Variants in TACC1 observed in about 807,000 individuals in gnomAD.
The protein encoded by TACC1 is transforming acidic coiled-coil containing protein 1.
TACC1 carries 48 observed loss-of-function variants against 84.4 expected under a neutral mutation model. The observed-to-expected ratio is 0.57, with a 90% CI of 0.45 to 0.72. TACC1 has a LOEUF of 0.72. TACC1 is among the 30% of genes least tolerant of loss of function. TACC1 has a pLI of 0.00. For synonymous variants in TACC1, 372 were observed against 376.3 expected (o/e 0.99, Z 0.13); for missense variants, 920 against 973.0 (o/e 0.95, Z 0.72).
intron 2 of TACC1, among the ~76,000 whole-genome samples, chr8:38,806,515 T>C (rs549852097): frequency 6.6e-6 from 1 of 150,950 alleles, no homozygotes; most frequent in East Asian, 2.0e-4. Context: ...AGAGAGAAAA[T>C]AAATTCCATC....
intron 3 of TACC1, among the ~76,000 whole-genome samples, chr8:38,747,867 T>C (rs1808350883): frequency 6.6e-6 from 1 of 152,176 alleles, no homozygotes; most frequent in African/African-American, 2.4e-5. Context: ...TGGATAATAA[T>C]GATACATCAG....
At chr8:38,787,936 C>T (rs1817673467) in intron 1 of TACC1, among the ~76,000 whole-genome samples, 193 bp downstream of exon 1, 1 of 152,200 alleles carries the variant, frequency 6.6e-6, no homozygotes, top group Non-Finnish European at 1.5e-5. Flanking sequence ...GTTTCTGGCC[C>T]CCGTTTCGCT....
chr8:38,833,016 A>C (rs575101495), intron 6 of TACC1, among the ~76,000 whole-genome samples: 62 of 152,238 alleles, frequency 4.1e-4, no homozygotes, highest in Non-Finnish European at 7.2e-4. Flanking sequence ...GCAAACATGA[A>C]ATAAAGCCCT....
rs1290849439 is a variant in TACC1, at chr8:38,848,977, GAGAC to G, written c.*958_*961del. ...CTTCATTATCTTTTTTTTTTTTTTT[GAGAC>G]AGAGTTTCGATCTATTTTAAGTATG... On this transcript the variant is annotated 3_prime_UTR_variant, in exon 13 of 13. Transcript: ENST00000317827. 1 of 111,686 alleles carries G rather than the reference GAGAC, an allele frequency of 9.0e-6. No homozygotes were observed. Among genetic ancestry groups the G allele is most frequent in the African/African-American group, 3.1e-5 (1 of 31,938 alleles). The allele number at this position is 111,686 out of a possible 1,614,324, so 6.9% of individuals were successfully genotyped here.
intron 2 of TACC1, among the ~76,000 whole-genome samples, chr8:38,809,731 GA>G (rs1001892074): frequency 3.9e-5 from 6 of 151,904 alleles, no homozygotes; most frequent in East Asian, 1.9e-4. Context: ...TGGGTAACAG[GA>G]AAAAAAAGAA....
chr8:38,830,821 CCA>C (rs1378717687), intron 5 of TACC1, among the ~76,000 whole-genome samples: 1 of 152,180 alleles, frequency 6.6e-6, no homozygotes, highest in African/African-American at 2.4e-5. Context: ...TGAAATAATG[CCA>C]CAGTTAGTAC....
chr8:38,803,728 T>C (rs976223051), intron 2 of TACC1, among the ~76,000 whole-genome samples: 1 of 152,176 alleles, frequency 6.6e-6, no homozygotes, highest in Non-Finnish European at 1.5e-5. Flanking sequence ...AGTTTTTTTT[T>C]CCCCCTTGTG....
upstream of TACC1, among the ~76,000 whole-genome samples, chr8:38,782,604 C>G (rs940460259): frequency 1.1e-4 from 16 of 152,282 alleles, no homozygotes; most frequent in Non-Finnish European, 2.2e-4. Flanking sequence ...AATCTGAGTT[C>G]AACAGAAGGA....
intron 5 of TACC1, 91 bp from the exon 6 acceptor site, chr8:38,831,034 C>T (rs1463349145): frequency 1.8e-6 from 2 of 1,117,528 alleles, no homozygotes; most frequent in East Asian, 4.8e-5. Context: ...ATAAGTCATT[C>T]TCGCCTGCAC....
At chr8:38,749,074 A>C (rs1480369912) in intron 3 of TACC1, among the ~76,000 whole-genome samples, 2 of 152,162 alleles carry the variant, frequency 1.3e-5, no homozygotes, top group Non-Finnish European at 2.9e-5. Context: ...AAAAATGAAC[A>C]ATATCAAGAA....
chr8:38,797,886 C>G (rs1352584043), intron 2 of TACC1, among the ~76,000 whole-genome samples: 2 of 152,142 alleles, frequency 1.3e-5, no homozygotes, highest in Non-Finnish European at 2.9e-5. Flanking sequence ...TCTATGATTT[C>G]TGTCTGTGGA....
At chr8:38,819,036 A>G (rs1011551270) in intron 2 of TACC1, among the ~76,000 whole-genome samples, 1 of 152,186 alleles carries the variant, frequency 6.6e-6, no homozygotes, top group African/African-American at 2.4e-5. Context: ...TTGGCCTCCC[A>G]AGATACTTAT....
upstream of TACC1, chr8:38,785,695 A>G (rs1042522922): frequency 4.1e-6 from 4 of 985,332 alleles, no homozygotes; most frequent in African/African-American, 7.0e-5. Flanking sequence ...CCTGTGTCAA[A>G]TCCAGGAGCC....
At chr8:38,823,729 G>A (rs906197872) in intron 3 of TACC1, among the ~76,000 whole-genome samples, 3 of 152,170 alleles carry the variant, frequency 2.0e-5, no homozygotes, top group Non-Finnish European at 4.4e-5. Flanking sequence ...CCTCTTGGAA[G>A]TTTATTTTTC....
intron 2 of TACC1, among the ~76,000 whole-genome samples, chr8:38,806,488 AAGAGAG>A (rs1238345056): frequency 6.6e-6 from 1 of 150,470 alleles, no homozygotes; most frequent in African/African-American, 2.4e-5. Context: ...GAGAGAGAGA[AAGAGAG>A]AGAGGGAGAG....
chr8:38,740,740 A>T (rs1806897566), intron 1 of TACC1, among the ~76,000 whole-genome samples: 1 of 152,186 alleles, frequency 6.6e-6, no homozygotes, highest in Non-Finnish European at 1.5e-5. Flanking sequence ...CTTCCATCTT[A>T]ACTCTCATTC....
intron 6 of TACC1, among the ~76,000 whole-genome samples, chr8:38,833,038 A>T (rs978939854): frequency 7.2e-5 from 11 of 152,246 alleles, no homozygotes; most frequent in African/African-American, 2.7e-4. Context: ...TTGGAAGGAT[A>T]TGATTGATTG....
At chr8:38,757,619 G>A (rs2151788664) in intron 3 of TACC1, among the ~76,000 whole-genome samples, 1 of 152,176 alleles carries the variant, frequency 6.6e-6, no homozygotes, top group Middle Eastern at 3.4e-3. Flanking sequence ...GGACCCCACC[G>A]CGACCGGATC....
Position 38,827,295 on chromosome 8 carries a change from C to G in TACC1, c.1580C>G (p.Pro527Arg), listed in dbSNP as rs1185713430. 4 of 1,614,188 alleles carry G rather than the reference C, an allele frequency of 2.5e-6. No homozygotes were observed. Among genetic ancestry groups the G allele is most frequent in the Non-Finnish European group, 3.4e-6 (4 of 1,180,032 alleles). ...KSAGAEVKGE[P>R]EEDLEYFECS... is the part of the protein sequence containing the mutation. ...GCTGGTGCCGAGGTGAAAGGTGAGC[C>G]AGAGGAAGACCTGGAGTACTTTGAA... Residue 527 changes from proline (P) to arginine (R), a missense_variant, in exon 5 of 13, where the codon CCA (proline) becomes CGA (arginine). Coordinates refer to ENST00000317827, the MANE Select transcript of TACC1 (RefSeq NM_006283.3).
Sources: gnomAD v4.1 joint callset for allele counts (sites outside exome capture counted in the v4.1 genomes callset) on GRCh38, gnomAD v4.1.1 for gene constraint, MANE v1.5 for transcripts, NCBI Gene and HGNC (gene_info 2026-07-23, HGNC 2026-07-21) for gene names.